The following UBAP1 variants were observed in gnomAD, a reference collection of about 807,000 sequenced individuals.
UBAP1 encodes the protein ubiquitin-associated protein 1.
A neutral mutation model predicts 39.0 loss-of-function variants in UBAP1; 5 were observed. The ratio of observed to expected loss-of-function variants is 0.13; its 90% CI spans 0.07 to 0.27. The LOEUF is 0.27. Ranked by LOEUF, UBAP1 falls within the 10% of genes least tolerant of loss-of-function variation. UBAP1 has a pLI of 1.00. For synonymous variants in UBAP1, 211 were observed against 225.1 expected (o/e 0.94, Z 0.56); for missense variants, 490 against 608.1 (o/e 0.81, Z 2.04).
intron 5 of UBAP1, 139 bp downstream of exon 5, chr9:34,250,100 G>A (rs1205594670): frequency 5.7e-6 from 5 of 884,010 alleles, no homozygotes; most frequent in African/African-American, 3.4e-5. Context: ...CATGTTTTGG[G>A]GAAAGCCAGC....
chr9:34,216,845 C>A (rs942297969), intron 1 of UBAP1, among the ~76,000 whole-genome samples: 7 of 151,442 alleles, frequency 4.6e-5, no homozygotes, highest in South Asian at 2.1e-4. Flanking sequence ...TGGGGTTTGG[C>A]CATATTACCC....
intron 1 of UBAP1, among the ~76,000 whole-genome samples, chr9:34,212,548 C>T (rs762527979): frequency 4.6e-5 from 7 of 152,070 alleles, no homozygotes; most frequent in Non-Finnish European, 1.0e-4. Context: ...ACGTTATCTT[C>T]TGGATTTTCC....
chr9:34,247,354 C>A (rs555030953), intron 4 of UBAP1, among the ~76,000 whole-genome samples: 1 of 152,166 alleles, frequency 6.6e-6, no homozygotes, highest in Non-Finnish European at 1.5e-5. Context: ...TAAAATCAGT[C>A]ATTTAATATC....
At chr9:34,232,083 C>T (rs887758702) in intron 2 of UBAP1, among the ~76,000 whole-genome samples, 2 of 151,994 alleles carry the variant, frequency 1.3e-5, no homozygotes, top group Non-Finnish European at 2.9e-5. Context: ...CACCTTCCGC[C>T]TCCTAGGTTC....
chr9:34,193,153 A>T (rs1830827476), intron 1 of UBAP1, among the ~76,000 whole-genome samples: 1 of 151,978 alleles, frequency 6.6e-6, no homozygotes, highest in Non-Finnish European at 1.5e-5. Context: ...TACTAAAAAT[A>T]CAAAAAATTA....
intron 1 of UBAP1, among the ~76,000 whole-genome samples, chr9:34,211,299 T>C (rs1316640678): frequency 6.6e-6 from 1 of 152,166 alleles, no homozygotes; most frequent in Admixed American, 6.6e-5. Context: ...TAGCCTAATA[T>C]TGACATGTTA....
At chr9:34,202,715 C>G (rs1831469815) in intron 1 of UBAP1, among the ~76,000 whole-genome samples, 1 of 144,032 alleles carries the variant, frequency 6.9e-6, no homozygotes, top group Non-Finnish European at 1.5e-5. Flanking sequence ...TAACACCATA[C>G]AGCCCCAATA....
chr9:34,205,144 G>C (rs1405575949), intron 1 of UBAP1, among the ~76,000 whole-genome samples: 1 of 152,098 alleles, frequency 6.6e-6, no homozygotes, highest in African/African-American at 2.4e-5. Flanking sequence ...AACCTCCTGA[G>C]TAGCTGGGAC....
chr9:34,237,098 C>CT (rs1298243271), intron 3 of UBAP1, among the ~76,000 whole-genome samples: 3 of 152,146 alleles, frequency 2.0e-5, no homozygotes, highest in Non-Finnish European at 2.9e-5. Flanking sequence ...TTTCTCAGTC[C>CT]TCCCATCTTT....
At position 34,228,404 on chromosome 9, in the gene UBAP1, C is replaced by T. The variant is rs1218345036; in HGVS notation, c.35-5812C>T. Reference sequence around the variant, plus strand: ...CTGCACTCCAGCCTGGGCGACAGTGCGAGACTTCATCTCAAAAAAAAAAAA... The same window carrying T: ...CTGCACTCCAGCCTGGGCGACAGTGTGAGACTTCATCTCAAAAAAAAAAAA... On this transcript the variant is annotated intron_variant, in intron 2 of 6. Coordinates refer to ENST00000297661, the MANE Select transcript of UBAP1 (RefSeq NM_016525.5). Among the ~76,000 whole-genome samples the T allele has an allele frequency of 1.0e-4, 14 of 136,614 alleles. No homozygotes were observed. In the East Asian group the frequency reaches 2.1e-3, roughly 21 times the overall value. 89.6% of individuals were successfully genotyped at this position (136,614 alleles called of 152,430 possible). A position where few individuals can be genotyped will look rare whatever the true frequency, so the allele number is the denominator to read the frequency against.
chr9:34,209,193 C>T (rs965924605), intron 1 of UBAP1, among the ~76,000 whole-genome samples: 14 of 151,966 alleles, frequency 9.2e-5, no homozygotes, highest in Non-Finnish European at 1.6e-4. Flanking sequence ...CTGCCTTGGC[C>T]GCCTCCCAAA....
chr9:34,181,920 A>G (rs1285150035), intron 1 of UBAP1, among the ~76,000 whole-genome samples: 1 of 149,914 alleles, frequency 6.7e-6, no homozygotes, highest in African/African-American at 2.5e-5. Context: ...ATAATAATAG[A>G]TCTGTAGACA....
chr9:34,187,080 G>A (rs1830446580), intron 1 of UBAP1, among the ~76,000 whole-genome samples: 1 of 152,010 alleles, frequency 6.6e-6, no homozygotes, highest in Admixed American at 6.6e-5. Flanking sequence ...GCTAATTTCT[G>A]TATTTTTAGT....
chr9:34,228,287 A>G (rs1458824514), intron 2 of UBAP1, among the ~76,000 whole-genome samples: 8 of 150,032 alleles, frequency 5.3e-5, no homozygotes, highest in Admixed American at 2.7e-4. Flanking sequence ...GCGTGGTGGC[A>G]GGCACCTGTA....
chr9:34,200,627 AATGT>A (rs1435806271), intron 1 of UBAP1, among the ~76,000 whole-genome samples: 4 of 152,336 alleles, frequency 2.6e-5, no homozygotes, highest in African/African-American at 9.6e-5. Flanking sequence ...AAAAAATATG[AATGT>A]AAAACATCTA....
chr9:34,198,874 A>G (rs894826300), intron 1 of UBAP1, among the ~76,000 whole-genome samples: 4 of 152,146 alleles, frequency 2.6e-5, no homozygotes, highest in African/African-American at 9.7e-5. Flanking sequence ...GTGAGGGGCG[A>G]TGCAGTCAAA....
intron 4 of UBAP1, among the ~76,000 whole-genome samples, chr9:34,243,467 G>C (rs1195913986): frequency 6.6e-6 from 1 of 151,870 alleles, no homozygotes; most frequent in Non-Finnish European, 1.5e-5. Flanking sequence ...AAACAGAGCT[G>C]GAGTTCTGGT....
At chr9:34,205,465 A>T (rs1171305565) in intron 1 of UBAP1, among the ~76,000 whole-genome samples, 1 of 152,038 alleles carries the variant, frequency 6.6e-6, no homozygotes, top group Admixed American at 6.6e-5. Context: ...CATTTTAAAG[A>T]TATTGTTTTG....
chr9:34,187,830 T>A (rs56224143), intron 1 of UBAP1, among the ~76,000 whole-genome samples: 17,991 of 145,832 alleles, frequency 0.12, 1,381 homozygotes, highest in Non-Finnish European at 0.18. Context: ...TTGCTTTTTT[T>A]AAAAAAAAAA....
Sources: allele counts gnomAD v4.1 joint callset (sites outside exome capture counted in the v4.1 genomes callset), GRCh38; gene constraint gnomAD v4.1.1; transcripts MANE v1.5; gene names NCBI Gene and HGNC (gene_info 2026-07-23, HGNC 2026-07-21).